MED13L: variants seen among roughly 807,000 people sequenced by gnomAD.
The protein encoded by MED13L is mediator of RNA polymerase II transcription subunit 13-like.
Under a neutral mutation model 220.9 loss-of-function variants are expected in MED13L, and 7 were observed. That is an observed-to-expected ratio of 0.03 (90% CI 0.02 to 0.06). MED13L has a LOEUF of 0.06. Among genes scored for constraint, MED13L ranks in the 10% least tolerant of loss-of-function variants. The pLI is 1.00. For missense variants in MED13L, 1,965 were observed against 2,760.5 expected (o/e 0.71, Z 6.46); for synonymous variants, 1,011 against 1,015.2 (o/e 1.00, Z 0.08).
At chr12:116,073,511 T>C (rs1252351655) in intron 4 of MED13L, among the ~76,000 whole-genome samples, 2 of 152,324 alleles carry the variant, frequency 1.3e-5, no homozygotes, top group South Asian at 2.1e-4. Context: ...ACTAAATGAA[T>C]GTAAAAGAGT....
chr12:116,100,150 T>A lies in MED13L; in HGVS notation c.396-3398A>T, dbSNP rs369863376. ...TCCAAGATTAGGCAGTACAGAAGTA[T>A]TTCCACATGGTTATAGGAGGAAATG... is the stretch of plus-strand genomic sequence containing the variant. On this transcript the variant is annotated intron_variant, in intron 3 of 30. Coordinates refer to ENST00000281928, the MANE Select transcript of MED13L (RefSeq NM_015335.5). Among the ~76,000 whole-genome samples the A allele has an allele frequency of 5.9e-5, 9 of 152,252 alleles. No individual in the cohort carries two copies. The East Asian group carries it at 1.7e-3, about 29-fold the overall frequency.
chr12:116,118,334 A>C (rs2137936363), intron 2 of MED13L, among the ~76,000 whole-genome samples: 1 of 152,268 alleles, frequency 6.6e-6, no homozygotes, highest in East Asian at 1.9e-4. Flanking sequence ...ATAGAAAATT[A>C]TAAATTATAA....
intron 1 of MED13L, among the ~76,000 whole-genome samples, chr12:116,256,143 T>C (rs1472084756): frequency 2.0e-5 from 3 of 152,196 alleles, no homozygotes; most frequent in African/African-American, 7.2e-5. Context: ...AAACATTTTA[T>C]TTTTTGCAAG....
At chr12:116,194,817 C>T (rs1175082034) in intron 2 of MED13L, among the ~76,000 whole-genome samples, 1 of 152,106 alleles carries the variant, frequency 6.6e-6, no homozygotes, top group Admixed American at 6.5e-5. Flanking sequence ...CACCCTGTTT[C>T]AAATACAAAG....
At chr12:116,163,553 CAG>C (rs1345600578) in intron 2 of MED13L, among the ~76,000 whole-genome samples, 10 of 151,914 alleles carry the variant, frequency 6.6e-5, no homozygotes, top group African/African-American at 2.2e-4. Context: ...TTAGTAGAGA[CAG>C]GGTTTCACCA....
In MED13L at chr12:116,005,858, G is replaced by T. The variant is rs533099331; in HGVS notation, c.2469+11C>A. The T allele has an allele frequency of 6.2e-7, 1 of 1,613,526 alleles. No homozygotes were observed. Among genetic ancestry groups the T allele is most frequent in the South Asian group, 1.1e-5 (1 of 91,042 alleles). ...GCGAAATTTTTGTTTATGTAGCTAC[G>T]GCAAACTCACCCCAAGTTCGTCGTC... On this transcript the variant is annotated intron_variant, in intron 13 of 30. Coordinates refer to ENST00000281928, the MANE Select transcript of MED13L (RefSeq NM_015335.5).
At chr12:115,962,263 T>C (rs957949565) in intron 30 of MED13L, among the ~76,000 whole-genome samples, 2 of 152,176 alleles carry the variant, frequency 1.3e-5, no homozygotes, top group African/African-American at 4.8e-5. Context: ...TGGTGGGGGA[T>C]GGTTTCAGGA....
chr12:116,071,844 A>C (rs1406624132), intron 4 of MED13L, among the ~76,000 whole-genome samples: 1 of 152,142 alleles, frequency 6.6e-6, no homozygotes, highest in Non-Finnish European at 1.5e-5. Flanking sequence ...TCAAACTACT[A>C]TTACAACATT....
intron 2 of MED13L, among the ~76,000 whole-genome samples, chr12:116,149,899 G>A (rs1877901980): frequency 6.6e-6 from 1 of 152,140 alleles, no homozygotes; most frequent in Non-Finnish European, 1.5e-5. Context: ...TATTTTTAAA[G>A]GGCTGAGGAA....
intron 2 of MED13L, among the ~76,000 whole-genome samples, chr12:116,120,706 CA>C (rs1369459296): frequency 6.7e-6 from 1 of 149,696 alleles, no homozygotes; most frequent in Non-Finnish European, 1.5e-5. Flanking sequence ...GTCTCCATTC[CA>C]AAAGAAAAAA....
intron 1 of MED13L, among the ~76,000 whole-genome samples, chr12:116,260,753 G>A (rs575319495): frequency 6.6e-6 from 1 of 152,232 alleles, no homozygotes; most frequent in South Asian, 2.1e-4. Context: ...AAGGCATGAA[G>A]GAAAACAGAT....
In MED13L at chr12:116,119,844, T is replaced by A. The variant is rs775487498; in HGVS notation, c.311-8332A>T. On this transcript the variant is annotated intron_variant, in intron 2 of 30. Coordinates refer to ENST00000281928, the MANE Select transcript of MED13L (RefSeq NM_015335.5). ...AAAAAAAAAAAAAAAAAAAAATATA[T>A]ATATATATATATATATATGAAACTT... 3.4e-3 allele frequency among the ~76,000 whole-genome samples: 395 copies of A among 114,968 alleles called. 1 individual carries two copies. Among genetic ancestry groups the A allele is most frequent in the African/African-American group, 1.0e-2 (300 of 30,132 alleles). 75.4% of individuals were successfully genotyped at this position (114,968 alleles called of 152,430 possible). A position where few individuals can be genotyped will look rare whatever the true frequency, so the allele number is the denominator to read the frequency against.
intron 4 of MED13L, among the ~76,000 whole-genome samples, chr12:116,040,559 G>A (rs1881462174): frequency 6.6e-6 from 1 of 151,968 alleles, no homozygotes; most frequent in East Asian, 1.9e-4. Flanking sequence ...GATCAGCCAG[G>A]TCATTTACTC....
chr12:116,161,519 T>C (rs537303900), intron 2 of MED13L, among the ~76,000 whole-genome samples: 6 of 152,252 alleles, frequency 3.9e-5, no homozygotes, highest in Admixed American at 1.3e-4. Context: ...ATTTAATAAA[T>C]ATTTACTGAG....
intron 4 of MED13L, among the ~76,000 whole-genome samples, chr12:116,035,440 T>C (rs957937639): frequency 6.6e-6 from 1 of 152,178 alleles, no homozygotes; most frequent in African/African-American, 2.4e-5. Context: ...TTGCAACTCA[T>C]GGAGCAAGGC....
intron 14 of MED13L, among the ~76,000 whole-genome samples, chr12:116,001,115 A>G (rs1878712939): frequency 6.6e-6 from 1 of 152,210 alleles, no homozygotes; most frequent in East Asian, 1.9e-4. Flanking sequence ...TAGCCACTAG[A>G]AAATGTGAAA....
chr12:116,048,982 T>C (rs971721780), intron 4 of MED13L, among the ~76,000 whole-genome samples: 2 of 152,188 alleles, frequency 1.3e-5, no homozygotes, highest in Admixed American at 1.3e-4. Context: ...CAATAAGACA[T>C]TTGCACTTTT....
chr12:116,236,874 A>C (rs1407971989), intron 2 of MED13L: 2 of 985,260 alleles, frequency 2.0e-6, no homozygotes, highest in African/African-American at 1.7e-5. Context: ...ATCAGGCAAC[A>C]CCGGAGCCAA....
At chr12:116,031,771 G>A (rs1319542718) in intron 4 of MED13L, among the ~76,000 whole-genome samples, 11 of 132,784 alleles carry the variant, frequency 8.3e-5, no homozygotes, top group African/African-American at 1.4e-4. Flanking sequence ...AAGGAAGGAA[G>A]GAAGGAAGGA....
Sources: gnomAD v4.1 joint callset for allele counts (sites outside exome capture counted in the v4.1 genomes callset) on GRCh38, gnomAD v4.1.1 for gene constraint, MANE v1.5 for transcripts, NCBI Gene and HGNC (gene_info 2026-07-23, HGNC 2026-07-21) for gene names.